Variants in KHDRBS2 observed in about 807,000 individuals in gnomAD.
KHDRBS2 encodes KH RNA binding domain containing, signal transduction associated 2.
In KHDRBS2, 26 loss-of-function variants were observed where a neutral mutation model predicts 44.3. That is an observed-to-expected ratio of 0.59 (90% CI 0.43 to 0.81). The LOEUF is 0.81. Ranked by LOEUF, KHDRBS2 falls within the 40% of genes least tolerant of loss-of-function variation. The pLI, the probability that KHDRBS2 is intolerant of heterozygous loss-of-function variation, is 0.00. For missense variants in KHDRBS2, 476 were observed against 433.1 expected (o/e 1.10, Z -0.88); for synonymous variants, 194 against 151.1 (o/e 1.28, Z -2.08).
intron 2 of KHDRBS2, among the ~76,000 whole-genome samples, chr6:62,098,119 T>A (rs1452421679): frequency 6.6e-6 from 1 of 152,126 alleles, no homozygotes; most frequent in Non-Finnish European, 1.5e-5. Context: ...TAGTCATTTT[T>A]AACAATTTTG....
intron 1 of KHDRBS2, among the ~76,000 whole-genome samples, chr6:62,212,041 C>CA (rs1400354613): frequency 1.4e-4 from 22 of 152,178 alleles, no homozygotes; most frequent in South Asian, 1.2e-3. Flanking sequence ...TTATCCTTAG[C>CA]AAACTAATGC....
rs143556084 is a variant in KHDRBS2 at position 61,894,830 on chromosome 6, G to C, written c.615C>G (p.Gly205=). The C allele has an allele frequency of 1.2e-6, 2 of 1,609,742 alleles. No homozygotes were observed. Among genetic ancestry groups the C allele is most frequent in the East Asian group, 2.2e-5 (1 of 44,784 alleles). ...IRIAPTAPSR[G]RGGAIPPPPP... Reference sequence around the variant, plus strand: ...GGGGAGGAGGAATGGCACCCCCACGGCCCCTAAGAGAAACAAGTCATGTAT... The same window carrying C: ...GGGGAGGAGGAATGGCACCCCCACGCCCCCTAAGAGAAACAAGTCATGTAT... Residue 205 remains glycine (G), a synonymous_variant, in exon 6 of 9, where the codon GGC becomes GGG. Coordinates refer to ENST00000281156, the MANE Select transcript of KHDRBS2 (RefSeq NM_152688.4).
intron 6 of KHDRBS2, among the ~76,000 whole-genome samples, chr6:61,773,979 C>T (rs1026699005): frequency 2.0e-5 from 3 of 152,020 alleles, no homozygotes; most frequent in African/African-American, 4.8e-5. Context: ...TTTCTGAGGG[C>T]TCTGTTCTGT....
At chr6:62,082,871 T>G (rs2127356425) in intron 2 of KHDRBS2, among the ~76,000 whole-genome samples, 1 of 152,272 alleles carries the variant, frequency 6.6e-6, no homozygotes, top group South Asian at 2.1e-4. Context: ...ATTTAAATAC[T>G]CAATCCTTCC....
At chr6:61,864,929 C>T (rs377756639) in intron 6 of KHDRBS2, among the ~76,000 whole-genome samples, 1 of 152,092 alleles carries the variant, frequency 6.6e-6, no homozygotes, top group African/African-American at 2.4e-5. Flanking sequence ...TAGATTTGGT[C>T]TCTTTATATA....
At chr6:62,277,053 A>C (rs543925278) in intron 1 of KHDRBS2, among the ~76,000 whole-genome samples, 7 of 152,138 alleles carry the variant, frequency 4.6e-5, no homozygotes. Flanking sequence ...AAACTCAATA[A>C]ATGTTGAGAT....
chr6:62,079,690 CACAA>C (rs1443925430), intron 2 of KHDRBS2, among the ~76,000 whole-genome samples: 4 of 152,030 alleles, frequency 2.6e-5, no homozygotes, highest in African/African-American at 7.2e-5. Context: ...GAATTATTCT[CACAA>C]ACAGAGTGAT....
chr6:62,248,479 C>T (rs9363992), intron 1 of KHDRBS2, among the ~76,000 whole-genome samples: 44,487 of 151,882 alleles, frequency 0.29, 7,937 homozygotes, highest in Middle Eastern at 0.43. Context: ...CCACCTCAGC[C>T]TCCCGAGTAA....
chr6:61,982,084 GGTA>G (rs1773954964), intron 3 of KHDRBS2, among the ~76,000 whole-genome samples: 1 of 152,102 alleles, frequency 6.6e-6, no homozygotes. Flanking sequence ...GTCATTCATA[GGTA>G]GTTACTATTA....
chr6:61,967,905 T>C lies in KHDRBS2; in HGVS notation c.483+10161A>G, dbSNP rs73760149. On this transcript the variant is annotated intron_variant, in intron 4 of 8. Coordinates refer to ENST00000281156, the MANE Select transcript of KHDRBS2 (RefSeq NM_152688.4). ...ACACAAACATACACACACACACACA[T>C]ATATATATACACATGCATACACACA... 1.0e-3 allele frequency among the ~76,000 whole-genome samples: 91 copies of C among 87,818 alleles called. No individual in the cohort carries two copies. The South Asian group carries it at 0.011, about 11-fold the overall frequency. The allele number at this position is 87,818 out of a possible 152,430, so 57.6% of individuals were successfully genotyped here.
intron 3 of KHDRBS2, among the ~76,000 whole-genome samples, chr6:62,014,940 T>A (rs1262350527): frequency 2.0e-5 from 3 of 152,256 alleles, no homozygotes; most frequent in African/African-American, 4.8e-5. Context: ...GCAAATATAT[T>A]TTCCTAGCTT....
At chr6:61,709,481 T>C (rs1380169380) in intron 7 of KHDRBS2, among the ~76,000 whole-genome samples, 1 of 151,654 alleles carries the variant, frequency 6.6e-6, no homozygotes, top group Non-Finnish European at 1.5e-5. Flanking sequence ...GAAGGAAATA[T>C]ATTTATATAT....
the KHDRBS2 span, among the ~76,000 whole-genome samples, chr6:61,547,892 G>C: frequency 6.6e-6 from 1 of 152,094 alleles, no homozygotes; most frequent in Non-Finnish European, 1.5e-5. Flanking sequence ...AGTAAATTAT[G>C]TTGGCCTTTA....
intron 6 of KHDRBS2, among the ~76,000 whole-genome samples, chr6:61,784,778 G>A (rs1582828633): frequency 6.6e-6 from 1 of 152,216 alleles, no homozygotes; most frequent in Admixed American, 6.6e-5. Flanking sequence ...TATCCGTACA[G>A]TAATGTTAGT....
chr6:61,909,997 G>C (rs1805759251), intron 4 of KHDRBS2, among the ~76,000 whole-genome samples: 1 of 152,172 alleles, frequency 6.6e-6, no homozygotes. Context: ...CATCGGAAAT[G>C]ATACGTAGGG....
At chr6:62,269,500 A>T (rs546302138) in intron 1 of KHDRBS2, among the ~76,000 whole-genome samples, 103 of 152,208 alleles carry the variant, frequency 6.8e-4, no homozygotes, top group Middle Eastern at 3.4e-3. Flanking sequence ...TTCAATATTA[A>T]TATTCAAGGA....
chr6:62,244,630 G>T (rs1835257878), intron 1 of KHDRBS2, among the ~76,000 whole-genome samples: 1 of 151,860 alleles, frequency 6.6e-6, no homozygotes, highest in African/African-American at 2.4e-5. Context: ...TTCTTTTTAG[G>T]CAGGTGAATT....
chr6:61,727,484 A>AACAGAATGGAAGAAAAATTCT (rs1773763727), intron 7 of KHDRBS2, among the ~76,000 whole-genome samples: 1 of 152,122 alleles, frequency 6.6e-6, no homozygotes, highest in Non-Finnish European at 1.5e-5. Context: ...CATCAGAACG[A>AACAGAATGGAAGAAAAATTCT]ACAGAATGGA....
At chr6:62,105,847 C>G (rs1224045851) in intron 2 of KHDRBS2, among the ~76,000 whole-genome samples, 1 of 151,986 alleles carries the variant, frequency 6.6e-6, no homozygotes, top group Admixed American at 6.6e-5. Context: ...TCTTGCTTTT[C>G]GAGTTCTTTT....
Sources: allele counts gnomAD v4.1 joint callset (sites outside exome capture counted in the v4.1 genomes callset), GRCh38; gene constraint gnomAD v4.1.1; transcripts MANE v1.5; gene names NCBI Gene and HGNC (gene_info 2026-07-23, HGNC 2026-07-21).